COPB1: variants seen among roughly 807,000 people sequenced by gnomAD.
COPB1 encodes the protein coatomer subunit beta.
COPB1 carries 21 observed loss-of-function variants against 108.7 expected under a neutral mutation model. The ratio of observed to expected loss-of-function variants is 0.19; its 90% CI spans 0.14 to 0.28. The LOEUF is 0.28. Ranked by LOEUF, COPB1 falls within the 10% of genes least tolerant of loss-of-function variation. The pLI is 1.00. For synonymous variants in COPB1, 378 were observed against 386.8 expected (o/e 0.98, Z 0.27); for missense variants, 919 against 1,141.3 (o/e 0.81, Z 2.81).
chr11:14,488,559 G>A lies in COPB1; in HGVS notation c.632C>T (p.Thr211Ile). Reference protein sequence around the residue: ...DQDRALDYLSTCIDQVQTFGD... With the variant: ...DQDRALDYLSICIDQVQTFGD... ...AAATGTTTGAACTTGATCAATGCAA[G>A]TACTTAAGTAATCCAAAGCTCGATC... The change falls in exon 6 of 22, where the codon ACT becomes ATT. Residue 211 changes from threonine to isoleucine, a missense_variant. Thr to Ile is a moderately conservative substitution (Grantham distance 89). Coordinates refer to ENST00000439561, the MANE Select transcript of COPB1 (RefSeq NM_001144061.2). The A allele has an allele frequency of 1.2e-6, 2 of 1,605,286 alleles. No homozygotes were observed. Among genetic ancestry groups the A allele is most frequent in the Admixed American group, 3.4e-5 (2 of 59,610 alleles).
chr11:14,487,868 T>C (rs894770351), intron 6 of COPB1, among the ~76,000 whole-genome samples: 1 of 152,188 alleles, frequency 6.6e-6, no homozygotes, highest in Admixed American at 6.5e-5. Context: ...AATAAAGCCA[T>C]CTGGACCTAT....
chr11:14,489,311 T>G (rs1375346021), intron 5 of COPB1, among the ~76,000 whole-genome samples: 2 of 152,218 alleles, frequency 1.3e-5, no homozygotes, highest in African/African-American at 4.8e-5. Context: ...TGCAAAACAG[T>G]ATGGCACTTC....
At chr11:14,482,037 C>A (rs1281185820) in intron 8 of COPB1, among the ~76,000 whole-genome samples, 6 of 152,176 alleles carry the variant, frequency 3.9e-5, no homozygotes, top group Admixed American at 2.0e-4. Flanking sequence ...GGTGATCCAC[C>A]TGCCTCAGCC....
chr11:14,471,720 C>T (rs1344137597), intron 14 of COPB1, among the ~76,000 whole-genome samples: 2 of 152,060 alleles, frequency 1.3e-5, no homozygotes, highest in African/African-American at 4.8e-5. Context: ...CAGTTCGAGA[C>T]CAGCCTGGTC....
At chr11:14,479,757 C>T (rs771991844) in intron 10 of COPB1, 43 bp from the exon 11 acceptor site, 20 of 1,504,186 alleles carry the variant, frequency 1.3e-5, no homozygotes, top group African/African-American at 8.6e-5. Context: ...TAACAATTTT[C>T]GAAAAGAAAA....
At chr11:14,476,056 G>C in intron 12 of COPB1, 111 bp from the exon 13 acceptor site, 1 of 853,672 alleles carries the variant, frequency 1.2e-6, no homozygotes, top group Non-Finnish European at 1.7e-6. Flanking sequence ...TGGGATTTTT[G>C]GAACTGGGAA....
intron 5 of COPB1, among the ~76,000 whole-genome samples, chr11:14,489,995 C>T (rs1466006553): frequency 3.9e-5 from 6 of 152,290 alleles, no homozygotes; most frequent in South Asian, 2.1e-4. Context: ...ATTTTTCAGA[C>T]TTCATGCATA....
intron 7 of COPB1, among the ~76,000 whole-genome samples, chr11:14,485,245 C>T (rs1742494557): frequency 1.3e-5 from 2 of 152,132 alleles, no homozygotes; most frequent in Non-Finnish European, 2.9e-5. Flanking sequence ...CAACCTCGAA[C>T]TCCTGGCCTC....
Position 14,487,739 on chromosome 11 carries a change from T to TA in COPB1, c.699+752dup, listed in dbSNP as rs542689888. Among the ~76,000 whole-genome samples, 109 of 152,258 alleles carry TA rather than the reference T, an allele frequency of 7.2e-4. 1 individual carries two copies. The highest frequency in any genetic ancestry group is 2.4e-3 in the African/African-American group (100 of 41,568). ...TGTACAGTAAGTCTTGGTTTCATCT[T>TA]AAATTCCCATTCCAAACTACTGGTA... On this transcript the variant is annotated intron_variant, in intron 6 of 21. Transcript: ENST00000439561.
At position 14,486,394 on chromosome 11, in the gene COPB1, T is replaced by C; in HGVS notation, c.810A>G (p.Thr270=). Residue 270 remains threonine (T), a synonymous_variant, in exon 7 of 22, where the codon ACA becomes ACG. Transcript: ENST00000439561. The stretch of plus-strand genomic sequence containing the variant: ...TGATTGCAGTTGGTGCACTAGAGAG[T>C]GTCACTAATGTCCCAGCAGCTTCAT... ...VKYEAAGTLV[T]LSSAPTAIKA... 6.2e-7 allele frequency: 1 copy of C among 1,613,960 alleles called. No homozygotes were observed. Among genetic ancestry groups the C allele is most frequent in the South Asian group, 1.1e-5 (1 of 91,080 alleles).
At chr11:14,464,109 T>C (rs182865831) in intron 18 of COPB1, among the ~76,000 whole-genome samples, 268 of 152,312 alleles carry the variant, frequency 1.8e-3, no homozygotes, top group Middle Eastern at 0.01. Context: ...CTAACTTCAT[T>C]TTTTTCCTGC....
At chr11:14,467,496 A>G (rs1200580062) in intron 16 of COPB1, among the ~76,000 whole-genome samples, 4 of 152,212 alleles carry the variant, frequency 2.6e-5, no homozygotes, top group Admixed American at 6.5e-5. Flanking sequence ...TCAAAAAATT[A>G]AAAGTACAAT....
chr11:14,495,383 T>C (rs1212752686), intron 2 of COPB1, among the ~76,000 whole-genome samples: 1 of 152,174 alleles, frequency 6.6e-6, no homozygotes, highest in Non-Finnish European at 1.5e-5. Flanking sequence ...AACTAATGGG[T>C]AGTAGTTACC....
At chr11:14,480,931 G>A (rs1179344579) in intron 9 of COPB1, 26 bp from the exon 10 acceptor site, 5 of 1,613,274 alleles carry the variant, frequency 3.1e-6, no homozygotes, top group Non-Finnish European at 4.2e-6. Flanking sequence ...AAAAATAAGT[G>A]AGAGTTACAT....
chr11:14,458,445 A>C, intron 21 of COPB1, 87 bp downstream of exon 21: 1 of 1,302,750 alleles, frequency 7.7e-7, no homozygotes, highest in South Asian at 1.6e-5. Context: ...AATGCTAAAA[A>C]GATACTACAT....
chr11:14,469,097 C>G (rs562435455), intron 15 of COPB1, among the ~76,000 whole-genome samples: 1 of 152,090 alleles, frequency 6.6e-6, no homozygotes, highest in Admixed American at 6.5e-5. Context: ...TAGATTCAAA[C>G]GATCCTTCAT....
rs1850971307 is a variant in COPB1, at chr11:14,494,369, T to C, written c.162A>G (p.Lys54=). ...TGATGGTCATCAGAAGTCCAGGAAG[T>C]TTTTCACCATTCAGAATCATAATGA... The part of the protein sequence containing the change: ...KVIIMILNGE[K]LPGLLMTIIR... Residue 54 remains lysine, a synonymous_variant, in exon 3 of 22, where the codon AAA becomes AAG. Coordinates refer to ENST00000439561, the MANE Select transcript of COPB1 (RefSeq NM_001144061.2). 6.2e-7 allele frequency: 1 copy of C among 1,613,378 alleles called. No homozygotes were observed.
chr11:14,458,778 T>G, intron 20 of COPB1, 91 bp from the exon 21 acceptor site: 2 of 1,260,584 alleles, frequency 1.6e-6, no homozygotes, highest in South Asian at 1.5e-5. Context: ...TTTTTTTTTT[T>G]TTTGAGACAG....
intron 19 of COPB1, 83 bp from the exon 20 acceptor site, chr11:14,460,380 C>G: frequency 2.5e-6 from 2 of 807,102 alleles, no homozygotes; most frequent in Non-Finnish European, 4.0e-6. Flanking sequence ...ATATTAAAAA[C>G]TTGTTCCAAC....
Sources: gnomAD v4.1 joint callset for allele counts (sites outside exome capture counted in the v4.1 genomes callset) on GRCh38, gnomAD v4.1.1 for gene constraint, MANE v1.5 for transcripts, NCBI Gene and HGNC (gene_info 2026-07-23, HGNC 2026-07-21) for gene names.